TMEM132B: variants seen among roughly 807,000 people sequenced by gnomAD.
The protein encoded by TMEM132B is transmembrane protein 132B.
In TMEM132B, 18 loss-of-function variants were observed where a neutral mutation model predicts 90.8. The ratio of observed to expected loss-of-function variants is 0.20; its 90% CI spans 0.14 to 0.29. The LOEUF (loss-of-function observed/expected upper bound fraction) is 0.29. Ranked by LOEUF, TMEM132B falls within the 10% of genes least tolerant of loss-of-function variation. TMEM132B has a pLI of 1.00. For missense variants in TMEM132B, 1,096 were observed against 1,326.8 expected (o/e 0.83, Z 2.70); for synonymous variants, 504 against 523.3 (o/e 0.96, Z 0.50).
chr12:125,244,688 G>T (rs1276175021), intron 1 of TMEM132B, among the ~76,000 whole-genome samples: 3 of 152,328 alleles, frequency 2.0e-5, no homozygotes, highest in Middle Eastern at 3.4e-3. Context: ...CCCAGAGAAG[G>T]TCAGTTCATT....
chr12:125,624,258 G>T (rs1886177290), intron 5 of TMEM132B, among the ~76,000 whole-genome samples: 1 of 152,238 alleles, frequency 6.6e-6, no homozygotes, highest in Non-Finnish European at 1.5e-5. Flanking sequence ...TCTTTTGGAA[G>T]TGGGGGCTGA....
intron 1 of TMEM132B, among the ~76,000 whole-genome samples, chr12:125,283,536 A>T (rs533095903): frequency 1.3e-5 from 2 of 152,310 alleles, no homozygotes; most frequent in East Asian, 3.9e-4. Flanking sequence ...GAGAACAAGT[A>T]ATCTGGCCCG....
At chr12:125,565,739 C>T (rs953243810) in intron 4 of TMEM132B, among the ~76,000 whole-genome samples, 6 of 152,206 alleles carry the variant, frequency 3.9e-5, no homozygotes, top group African/African-American at 1.4e-4. Context: ...TTCTCTGCTG[C>T]ACTATTATGC....
intron 3 of TMEM132B, among the ~76,000 whole-genome samples, chr12:125,437,944 C>A (rs918946048): frequency 1.3e-5 from 2 of 152,084 alleles, no homozygotes; most frequent in Non-Finnish European, 1.5e-5. Context: ...TTACAATGGT[C>A]AATTTTGTGT....
At chr12:125,305,722 A>T (rs1194961993) in intron 1 of TMEM132B, among the ~76,000 whole-genome samples, 5 of 152,246 alleles carry the variant, frequency 3.3e-5, no homozygotes, top group Non-Finnish European at 1.5e-5. Flanking sequence ...GTGATTTATT[A>T]TTGTTTTGTT....
At chr12:125,254,380 AG>A (rs1217998519) in intron 1 of TMEM132B, among the ~76,000 whole-genome samples, 4 of 152,214 alleles carry the variant, frequency 2.6e-5, no homozygotes, top group Non-Finnish European at 5.9e-5. Context: ...GGAGAACTTA[AG>A]AAAGGAGCTT....
chr12:125,430,005 T>C (rs1378245923), intron 3 of TMEM132B, among the ~76,000 whole-genome samples: 1 of 152,234 alleles, frequency 6.6e-6, no homozygotes, highest in East Asian at 1.9e-4. Flanking sequence ...GCAGCTCCAC[T>C]TTACTTTCTG....
chr12:125,579,558 T>G (rs1003713447), intron 4 of TMEM132B, among the ~76,000 whole-genome samples: 3 of 151,980 alleles, frequency 2.0e-5, no homozygotes, highest in Non-Finnish European at 4.4e-5. Context: ...AAGGTGGGGT[T>G]ACACCATGTT....
rs756152307 is a variant in TMEM132B, at chr12:125,583,974, G to C, written c.1417G>C (p.Ala473Pro). The change falls in exon 5 of 9, where the codon GCC becomes CCC. Residue 473 changes from alanine to proline, a missense_variant. Ala to Pro is a conservative substitution (Grantham distance 27, BLOSUM62 -1). Transcript: ENST00000682704. Reference sequence around the variant, plus strand: ...GTCTGAGTCTGTGGAATGCAAGTCTGCCGATGAAGATGTCATTAAGGTAAG... The same window carrying C: ...GTCTGAGTCTGTGGAATGCAAGTCTCCCGATGAAGATGTCATTAAGGTAAG... ...DVSESVECKS[A>P]DEDVIKVSNN... 6 of 1,614,084 alleles carry C rather than the reference G, an allele frequency of 3.7e-6. No homozygotes were observed. In the Admixed American group the frequency reaches 1.0e-4, roughly 27 times the overall value.
At chr12:125,599,337 A>G (rs745832813) in intron 5 of TMEM132B, among the ~76,000 whole-genome samples, 1 of 152,214 alleles carries the variant, frequency 6.6e-6, no homozygotes, top group Non-Finnish European at 1.5e-5. Flanking sequence ...GAGTCCCTTA[A>G]ACCTCTTTTT....
chr12:125,579,157 T>G (rs1286104727), intron 4 of TMEM132B, among the ~76,000 whole-genome samples: 1 of 152,140 alleles, frequency 6.6e-6, no homozygotes, highest in Admixed American at 6.5e-5. Context: ...TTCTTTATAC[T>G]CCTCTCATTT....
chr12:125,444,446 C>T (rs1880951268), intron 3 of TMEM132B, among the ~76,000 whole-genome samples: 1 of 152,160 alleles, frequency 6.6e-6, no homozygotes. Flanking sequence ...TCTTACTACT[C>T]TTTCATATAA....
intron 2 of TMEM132B, among the ~76,000 whole-genome samples, chr12:125,384,037 C>A (rs1435183065): frequency 6.6e-6 from 1 of 152,200 alleles, no homozygotes; most frequent in Non-Finnish European, 1.5e-5. Context: ...ACCTCTGCCT[C>A]CTGGGTTCAA....
intron 1 of TMEM132B, among the ~76,000 whole-genome samples, chr12:125,202,888 T>C (rs1052550713): frequency 5.3e-5 from 8 of 152,210 alleles, no homozygotes; most frequent in Admixed American, 2.0e-4. Flanking sequence ...GTTTCTGATA[T>C]GAACTTGATC....
chr12:125,575,412 T>C (rs1029999971), intron 4 of TMEM132B, among the ~76,000 whole-genome samples: 2 of 151,928 alleles, frequency 1.3e-5, no homozygotes, highest in African/African-American at 4.8e-5. Context: ...TTAATTTGGG[T>C]ATTTGTCTAT....
At chr12:125,323,165 C>A (rs1322155009) in intron 1 of TMEM132B, among the ~76,000 whole-genome samples, 1 of 152,148 alleles carries the variant, frequency 6.6e-6, no homozygotes, top group African/African-American at 2.4e-5. Flanking sequence ...CCAGTGTGCA[C>A]TGCTTCACAC....
chr12:125,602,246 A>G (rs1885589337), intron 5 of TMEM132B, among the ~76,000 whole-genome samples: 1 of 152,214 alleles, frequency 6.6e-6, no homozygotes, highest in African/African-American at 2.4e-5. Flanking sequence ...CTAGCAGCAC[A>G]TCAAAAAGCT....
intron 1 of TMEM132B, among the ~76,000 whole-genome samples, chr12:125,348,174 G>A (rs1156336648): frequency 6.6e-6 from 1 of 151,674 alleles, no homozygotes; most frequent in Non-Finnish European, 1.5e-5. Flanking sequence ...TGTTTATGTA[G>A]CTCTACCGCA....
intron 5 of TMEM132B, among the ~76,000 whole-genome samples, chr12:125,639,588 T>C (rs1886577084): frequency 6.6e-6 from 1 of 152,162 alleles, no homozygotes; most frequent in Non-Finnish European, 1.5e-5. Context: ...ACCAGGAGCA[T>C]TAGGAGAGTG....
Sources: gnomAD v4.1 joint callset for allele counts (sites outside exome capture counted in the v4.1 genomes callset) on GRCh38, gnomAD v4.1.1 for gene constraint, MANE v1.5 for transcripts, NCBI Gene and HGNC (gene_info 2026-07-23, HGNC 2026-07-21) for gene names.